ASPM: variants seen among roughly 807,000 people sequenced by gnomAD.
ASPM encodes the protein abnormal spindle-like microcephaly-associated protein.
Under a neutral mutation model 366.4 loss-of-function variants are expected in ASPM, and 256 were observed. The observed-to-expected ratio is 0.70, with a 90% confidence interval of 0.63 to 0.77. ASPM has a LOEUF of 0.77. Among genes scored for constraint, ASPM ranks in the 30% least tolerant of loss-of-function variants. ASPM has a pLI of 0.00. For missense variants in ASPM, 4,146 were observed against 4,090.4 expected, an observed-to-expected ratio of 1.01 and a Z score of -0.37; for synonymous variants, 1,414 against 1,342.9, an observed-to-expected ratio of 1.05 and a Z score of -1.16.
At position 197,125,167 on chromosome 1, in the gene ASPM, C is replaced by T; in HGVS notation, c.2961G>A (p.Gln987=). 8 of 1,614,002 alleles carry T rather than the reference C, an allele frequency of 5.0e-6. No individual in the cohort carries two copies. The highest frequency in any genetic ancestry group is 6.8e-6 in the Non-Finnish European group (8 of 1,179,950). Reference sequence around the variant, plus strand: ...TGAGTTTCTTTGAGAGGTCCCAGTTCTGTGTGAGAAGTTCCATGGTTCGCC... The same window carrying T: ...TGAGTTTCTTTGAGAGGTCCCAGTTTTGTGTGAGAAGTTCCATGGTTCGCC... The part of the protein sequence containing the change: ...RLVRTMELLT[Q]NWDLSKKLRI... Residue 987 remains glutamine, a synonymous_variant, in exon 11 of 28, where the codon CAG becomes CAA. Transcript: ENST00000367409.
In ASPM at chr1:197,103,264, G is replaced by A. The variant is rs755603280; in HGVS notation, c.5987C>T (p.Ala1996Val). The change falls in exon 18 of 28, where the codon GCT becomes GTT. Residue 1996 changes from alanine (A) to valine (V), a missense_variant. Physicochemically the swap from Ala to Val is moderately conservative, Grantham distance 64. Transcript: ENST00000367409. The stretch of plus-strand genomic sequence containing the variant: ...ATAATACTTTTGAATCAGAAGAGCA[G>A]CTTTTTTCATGATTTTCCACTTCTT... ...QQKKWKIMKKAALLIQKYYRA... is the reference protein window; with the variant it reads ...QQKKWKIMKKVALLIQKYYRA... The A allele has an allele frequency of 1.2e-6, 2 of 1,612,942 alleles. No homozygotes were observed. The highest frequency in any genetic ancestry group is 4.5e-5 in the East Asian group (2 of 44,840).
At chr1:197,126,181 C>T (rs755823362) in intron 10 of ASPM, among the ~76,000 whole-genome samples, 5 of 152,118 alleles carry the variant, frequency 3.3e-5, no homozygotes, top group Non-Finnish European at 7.4e-5. Flanking sequence ...TGGCTCACGC[C>T]TGTAATCCCA....
intron 3 of ASPM, among the ~76,000 whole-genome samples, chr1:197,141,673 T>G (rs1658588236): frequency 6.6e-6 from 1 of 152,200 alleles, no homozygotes; most frequent in Non-Finnish European, 1.5e-5. Context: ...CCTCTGCTTC[T>G]GTGCTTCCTT....
chr1:197,104,708 G>A lies in ASPM; in HGVS notation c.4543C>T (p.Leu1515=). 1 of 1,611,876 alleles carries A rather than the reference G, an allele frequency of 6.2e-7. No individual in the cohort carries two copies. The highest frequency in any genetic ancestry group is 2.2e-5 in the East Asian group (1 of 44,828). ...KLYKRRKESI[L]TIQKYYKAYL... Reference sequence around the variant, plus strand: ...GCTTTGTAGTACTTCTGGATGGTTAGTATGGACTCTTTTCTTCTTTTATAT... The same window carrying A: ...GCTTTGTAGTACTTCTGGATGGTTAATATGGACTCTTTTCTTCTTTTATAT... Residue 1515 remains leucine, a synonymous_variant, in exon 18 of 28, where the codon CTA becomes TTA. Transcript: ENST00000367409.
chr1:197,088,188 C>T (rs1357992944), intron 26 of ASPM, 68 bp downstream of exon 26: 1 of 1,532,648 alleles, frequency 6.5e-7, no homozygotes, highest in Non-Finnish European at 9.0e-7. Context: ...TAAAGGAAAA[C>T]TATAAAAGTC....
In ASPM at chr1:197,130,037, A is replaced by G. The variant is rs1658213890; in HGVS notation, c.2507T>C (p.Ile836Thr). The G allele has an allele frequency of 6.2e-7, 1 of 1,613,930 alleles. No homozygotes were observed. The highest frequency in any genetic ancestry group is 8.5e-7 in the Non-Finnish European group (1 of 1,179,878). ...IGLETTYGELISLEDNSDVTG... is the reference protein window; with the variant it reads ...IGLETTYGELTSLEDNSDVTG... Reference sequence around the variant, plus strand: ...GACATCACTGTTATCTTCCAAAGATATGAGTTCTCCATAAGTTGTCTGAAA... The same window carrying G: ...GACATCACTGTTATCTTCCAAAGATGTGAGTTCTCCATAAGTTGTCTGAAA... Residue 836 changes from isoleucine to threonine, a missense_variant, in exon 8 of 28, where the codon ATA (isoleucine) becomes ACA (threonine). Physicochemically the swap from Ile to Thr is moderately conservative, Grantham distance 89. Around this residue, in one of 3 missense-constraint regions of ASPM, gnomAD observed 3,624 missense variants for 3,591.7 expected, o/e 1.01. Transcript: ENST00000367409.
chr1:197,136,939 TG>T (rs879041955), intron 4 of ASPM, among the ~76,000 whole-genome samples: 2 of 152,258 alleles, frequency 1.3e-5, no homozygotes, highest in South Asian at 4.1e-4. Context: ...TTTATAGCTC[TG>T]GGAAAATAGA....
intron 13 of ASPM, 22 bp from the exon 14 acceptor site, chr1:197,122,617 A>C: frequency 6.4e-7 from 1 of 1,561,762 alleles, no homozygotes; most frequent in South Asian, 1.2e-5. Context: ...TGCCAGAAAA[A>C]CAATTAACCG....
chr1:197,092,127 A>G (rs1238870684), intron 21 of ASPM, 71 bp from the exon 22 acceptor site: 2 of 1,453,732 alleles, frequency 1.4e-6, no homozygotes, highest in Non-Finnish European at 1.9e-6. Context: ...TTTTTTTTGT[A>G]TAACCTCAAC....
chr1:197,114,199 G>GTCTAATTA, intron 17 of ASPM, among the ~76,000 whole-genome samples: 1 of 152,050 alleles, frequency 6.6e-6, no homozygotes, highest in Non-Finnish European at 1.5e-5. Flanking sequence ...CAAAACCATT[G>GTCTAATTA]TGTCTAAAAC....
chr1:197,105,715 G>A (rs1311443222), intron 17 of ASPM, among the ~76,000 whole-genome samples: 1 of 151,874 alleles, frequency 6.6e-6, no homozygotes, highest in Non-Finnish European at 1.5e-5. Context: ...TTTTCATTAA[G>A]AATAAAATTA....
Position 197,102,840 on chromosome 1 carries a change from A to T in ASPM, c.6411T>A (p.His2137Gln). Residue 2137 changes from histidine (H) to glutamine (Q), a missense_variant, in exon 18 of 28, where the codon CAT becomes CAA. This residue lies in a region of ASPM where 3,624 missense variants were observed against 3,591.7 expected (regional missense o/e 1.01). Coordinates refer to ENST00000367409, the MANE Select transcript of ASPM (RefSeq NM_018136.5). ...FKMHQSRISY[H>Q]TMRKAAIVIQ... ...TAACAATAGCTGCTTTTCTCATTGT[A>T]TGGTAACTTATTCTTGACTGATGCA... 1.2e-6 allele frequency: 2 copies of T among 1,612,438 alleles called. No individual in the cohort carries two copies. Among genetic ancestry groups the T allele is most frequent in the African/African-American group, 1.3e-5 (1 of 74,920 alleles).
At chr1:197,138,937 C>G in intron 4 of ASPM, 1 of 775,386 alleles carries the variant, frequency 1.3e-6, no homozygotes, top group Non-Finnish European at 2.3e-6. Context: ...AGCTCTTTTT[C>G]AGCTTCTTTC....
At position 197,103,977 on chromosome 1, in the gene ASPM, T is replaced by C. The variant is rs767809948; in HGVS notation, c.5274A>G (p.Leu1758=). 4 of 1,612,482 alleles carry C rather than the reference T, an allele frequency of 2.5e-6. No homozygotes were observed. The highest frequency in any genetic ancestry group is 2.2e-5 in the South Asian group (2 of 91,030). ...MRLQRKAVIS[L]QSYFRMRKAR... is the part of the protein sequence containing the mutation. ...CCTTTCTCATTCTGAAATAAGACTG[T>C]AGTGAAATAACAGCTTTTCTTTGTA... Residue 1758 remains leucine (L), a synonymous_variant, in exon 18 of 28, where the codon CTA becomes CTG. Transcript: ENST00000367409.
At chr1:197,122,075 A>G (rs1657927717) in intron 15 of ASPM, 32 bp from the exon 16 acceptor site, 2 of 1,606,118 alleles carry the variant, frequency 1.2e-6, no homozygotes, top group East Asian at 2.2e-5. Flanking sequence ...TAAAAACAGA[A>G]TATCAACAGA....
At chr1:197,142,188 G>A (rs1658605890) in intron 3 of ASPM, 143 bp downstream of exon 3, 1 of 856,200 alleles carries the variant, frequency 1.2e-6, no homozygotes. Flanking sequence ...TGTCACATAA[G>A]CTGTATTCAC....
At chr1:197,108,790 G>A (rs1320495478) in intron 17 of ASPM, among the ~76,000 whole-genome samples, 2 of 151,880 alleles carry the variant, frequency 1.3e-5, no homozygotes, top group African/African-American at 2.4e-5. Flanking sequence ...GGGGAATTTA[G>A]TGAGACCCTA....
rs371212366 is a variant in ASPM at position 197,102,158 on chromosome 1, G to C, written c.7093C>G (p.Gln2365Glu). 1.3e-5 allele frequency: 21 copies of C among 1,612,602 alleles called. No homozygotes were observed. The African/African-American group carries it at 2.7e-4, about 21-fold the overall frequency. ...GCTCTATTTGCTTGGTATTGCTGTTGGATCACAACGGAGGCCTGTTTCAAA... is the reference window on the plus strand; with the variant it reads ...GCTCTATTTGCTTGGTATTGCTGTTCGATCACAACGGAGGCCTGTTTCAAA... ...QALKQASVVI[Q>E]QQYQANRAAK... The change falls in exon 18 of 28, where the codon CAA becomes GAA. Residue 2365 changes from glutamine (Q) to glutamate (E), a missense_variant. By Grantham distance (29) the Gln-to-Glu change is conservative. Transcript: ENST00000367409.
chr1:197,102,583 T>C lies in ASPM; in HGVS notation c.6668A>G (p.Tyr2223Cys). The C allele has an allele frequency of 6.2e-7, 1 of 1,612,386 alleles. No individual in the cohort carries two copies. The highest frequency in any genetic ancestry group is 8.5e-7 in the Non-Finnish European group (1 of 1,179,096). ...KKITKTVQQR[Y>C]WAMKERNIQF... ...TATGTTTCTTTCTTTCATTGCCCAGTATCTTTGCTGTACTGTTTTTGTTAT... is the reference window on the plus strand; with the variant it reads ...TATGTTTCTTTCTTTCATTGCCCAGCATCTTTGCTGTACTGTTTTTGTTAT... The change falls in exon 18 of 28, where the codon TAC (tyrosine) becomes TGC (cysteine). Residue 2223 changes from tyrosine to cysteine, a missense_variant. By Grantham distance (194) the Tyr-to-Cys change is radical. This residue lies in a region of ASPM where 3,624 missense variants were observed against 3,591.7 expected (regional missense o/e 1.01). Transcript: ENST00000367409.
Sources: gnomAD v4.1 joint callset for allele counts (sites outside exome capture counted in the v4.1 genomes callset) on GRCh38, gnomAD v4.1.1 for gene constraint, gnomAD v4.1.1 regional missense constraint, MANE v1.5 for transcripts, NCBI Gene and HGNC (gene_info 2026-07-23, HGNC 2026-07-21) for gene names.